The following REDIC1 variants were observed in gnomAD, a reference collection of about 807,000 sequenced individuals.
REDIC1 encodes regulator of DNA class I crossover intermediates 1.
chr12:39,890,946 T>C, the REDIC1 span, among the ~76,000 whole-genome samples: 1 of 152,148 alleles, frequency 6.6e-6, no homozygotes, highest in Non-Finnish European at 1.5e-5. Context: ...AAAGTATACA[T>C]ACATGATGCA....
At chr12:39,891,793 G>A in the REDIC1 span, among the ~76,000 whole-genome samples, 2 of 152,110 alleles carry the variant, frequency 1.3e-5, no homozygotes, top group African/African-American at 2.4e-5. Context: ...ATCTAAACAG[G>A]CTCAACATTT....
the REDIC1 span, among the ~76,000 whole-genome samples, chr12:39,860,993 T>C: frequency 6.6e-6 from 1 of 152,242 alleles, no homozygotes; most frequent in African/African-American, 2.4e-5. Context: ...AGGCTCTACA[T>C]GATTTGGCTC....
At chr12:39,862,856 A>G in the REDIC1 span, among the ~76,000 whole-genome samples, 2 of 152,182 alleles carry the variant, frequency 1.3e-5, no homozygotes, top group African/African-American at 4.8e-5. Flanking sequence ...TTGTGTTAGG[A>G]ACATTCCAAT....
At chr12:39,880,059 C>T in the REDIC1 span, among the ~76,000 whole-genome samples, 6 of 152,272 alleles carry the variant, frequency 3.9e-5, no homozygotes, top group East Asian at 1.9e-4. Flanking sequence ...CTCTCTCTCG[C>T]GCTTGCTCTT....
the REDIC1 span, among the ~76,000 whole-genome samples, chr12:39,904,064 A>G: frequency 1.3e-5 from 2 of 152,134 alleles, no homozygotes; most frequent in African/African-American, 4.8e-5. Flanking sequence ...TACACAGGAA[A>G]AGAACACAGA....
the REDIC1 span, among the ~76,000 whole-genome samples, chr12:39,715,303 A>G: frequency 1.3e-5 from 2 of 151,906 alleles, no homozygotes; most frequent in Non-Finnish European, 2.9e-5. Context: ...GCCCAGCACC[A>G]TTTGTTGAAA....
the REDIC1 span, among the ~76,000 whole-genome samples, chr12:39,838,917 C>T: frequency 6.6e-6 from 1 of 152,156 alleles, no homozygotes; most frequent in East Asian, 1.9e-4. Context: ...TCTTAAAATG[C>T]CTGTCTCTAG....
At chr12:39,751,038 C>T in the REDIC1 span, among the ~76,000 whole-genome samples, 1 of 152,110 alleles carries the variant, frequency 6.6e-6, no homozygotes, top group Admixed American at 6.5e-5. Context: ...AAAGCAATGG[C>T]AACAAAAGCC....
the REDIC1 span, among the ~76,000 whole-genome samples, chr12:39,747,578 C>CCACAAAGA: frequency 3.3e-5 from 5 of 152,228 alleles, no homozygotes; most frequent in South Asian, 1.0e-3. Flanking sequence ...ACAGAGAACG[C>CCACAAAGA]CACAAAGATA....
chr12:39,799,946 C>T, the REDIC1 span, among the ~76,000 whole-genome samples: 2 of 152,134 alleles, frequency 1.3e-5, no homozygotes, highest in Non-Finnish European at 2.9e-5. Flanking sequence ...AAGAAGTGTT[C>T]CCCATGTGCA....
chr12:39,824,777 T>C, the REDIC1 span, among the ~76,000 whole-genome samples: 2 of 151,958 alleles, frequency 1.3e-5, no homozygotes, highest in East Asian at 1.9e-4. Context: ...CAGCAGGAGA[T>C]AGAATAAGCA....
At chr12:39,686,893 GC>G in the REDIC1 span, among the ~76,000 whole-genome samples, 2 of 152,126 alleles carry the variant, frequency 1.3e-5, no homozygotes, top group African/African-American at 4.8e-5. Context: ...AATTTCTTCT[GC>G]CAGATATCCT....
chr12:39,837,186 C>T, the REDIC1 span, among the ~76,000 whole-genome samples: 2 of 148,190 alleles, frequency 1.3e-5, no homozygotes, highest in Non-Finnish European at 3.0e-5. Flanking sequence ...AATAATGCCA[C>T]ATACCTACAA....
At chr12:39,895,066 A>G in the REDIC1 span, among the ~76,000 whole-genome samples, 1 of 152,020 alleles carries the variant, frequency 6.6e-6, no homozygotes, top group African/African-American at 2.4e-5. Flanking sequence ...ATGGGGTCTC[A>G]CTATGTTGTC....
At chr12:39,873,192 T>A in the REDIC1 span, among the ~76,000 whole-genome samples, 1 of 152,208 alleles carries the variant, frequency 6.6e-6, no homozygotes, top group Non-Finnish European at 1.5e-5. Context: ...CTATGTAGCA[T>A]GAAGGATGTG....
chr12:39,848,609 G>A, the REDIC1 span, among the ~76,000 whole-genome samples: 161 of 152,288 alleles, frequency 1.1e-3, no homozygotes, highest in African/African-American at 3.7e-3. Flanking sequence ...GTGGAAAGCA[G>A]TATGGCAATT....
chr12:39,679,306 A>C, the REDIC1 span, among the ~76,000 whole-genome samples: 1 of 152,338 alleles, frequency 6.6e-6, no homozygotes, highest in Non-Finnish European at 1.5e-5. Flanking sequence ...GGACTCAGTA[A>C]AGTTTCAGGG....
At chr12:39,743,238 C>A in the REDIC1 span, among the ~76,000 whole-genome samples, 4 of 152,268 alleles carry the variant, frequency 2.6e-5, no homozygotes, top group South Asian at 2.1e-4. Flanking sequence ...GAATACCCAA[C>A]GCCAGCCTAC....
chr12:39,848,263 A>G, the REDIC1 span, among the ~76,000 whole-genome samples: 1 of 152,194 alleles, frequency 6.6e-6, no homozygotes, highest in African/African-American at 2.4e-5. Flanking sequence ...GTGAAAAAAC[A>G]TTTACAAACT....
Sources: gnomAD v4.1 joint callset for allele counts (sites outside exome capture counted in the v4.1 genomes callset) on GRCh38, gnomAD v4.1.1 for gene constraint, MANE v1.5 for transcripts, NCBI Gene and HGNC (gene_info 2026-07-23, HGNC 2026-07-21) for gene names.